NOS1AP: variants seen among roughly 807,000 people sequenced by gnomAD.
The protein encoded by NOS1AP is carboxyl-terminal PDZ ligand of neuronal nitric oxide synthase protein.
A neutral mutation model predicts 56.2 loss-of-function variants in NOS1AP; 21 were observed. The observed-to-expected ratio is 0.37, with a 90% CI of 0.26 to 0.54. The LOEUF is 0.54. Among genes scored for constraint, NOS1AP ranks in the 20% least tolerant of loss-of-function variants. The pLI, the probability that NOS1AP is intolerant of heterozygous loss-of-function variation, is 0.84. For missense variants in NOS1AP, 522 were observed against 657.8 expected, an observed-to-expected ratio of 0.79 and a Z score of 2.26; for synonymous variants, 270 against 274.6, an observed-to-expected ratio of 0.98 and a Z score of 0.17.
At chr1:162,175,508 T>C (rs922762756) in intron 2 of NOS1AP, among the ~76,000 whole-genome samples, 5 of 152,212 alleles carry the variant, frequency 3.3e-5, no homozygotes, top group African/African-American at 1.2e-4. Flanking sequence ...TTTCTGGCAC[T>C]ACACAGTACT....
At chr1:162,275,365 A>G (rs554872545) in intron 2 of NOS1AP, among the ~76,000 whole-genome samples, 132 of 152,216 alleles carry the variant, frequency 8.7e-4, no homozygotes, top group African/African-American at 3.1e-3. Context: ...TTTAATAGAG[A>G]TGGGGTTTCA....
intron 8 of NOS1AP, chr1:162,361,061 G>A (rs1043687521): frequency 1.4e-4 from 52 of 380,480 alleles, no homozygotes; most frequent in African/African-American, 1.1e-3. Context: ...TGAGGCCAGA[G>A]TGCAGAGCTG....
At chr1:162,098,733 A>G (rs576247412) in intron 1 of NOS1AP, among the ~76,000 whole-genome samples, 1 of 152,076 alleles carries the variant, frequency 6.6e-6, no homozygotes, top group African/African-American at 2.4e-5. Context: ...CTCATCTTTC[A>G]GCTCTCACTT....
chr1:162,155,288 A>ATATGTATATATATG (rs1557808084), intron 2 of NOS1AP, among the ~76,000 whole-genome samples: 1 of 141,866 alleles, frequency 7.0e-6, no homozygotes, highest in Non-Finnish European at 1.5e-5. Flanking sequence ...ACACATATAT[A>ATATGTATATATATG]CATATATATG....
chr1:162,365,351 T>C (rs1286343225), intron 8 of NOS1AP, 53 bp from the exon 9 acceptor site: 2 of 1,612,598 alleles, frequency 1.2e-6, no homozygotes, highest in Non-Finnish European at 8.5e-7. Context: ...TGTGCATTCA[T>C]GTCCCTCTCT....
intron 1 of NOS1AP, among the ~76,000 whole-genome samples, chr1:162,153,399 A>G (rs1649801616): frequency 1.3e-5 from 2 of 152,176 alleles, no homozygotes; most frequent in Non-Finnish European, 2.9e-5. Flanking sequence ...AAAGAACCAG[A>G]ATTACAGGCA....
At chr1:162,112,634 C>T (rs977406890) in intron 1 of NOS1AP, among the ~76,000 whole-genome samples, 1 of 152,212 alleles carries the variant, frequency 6.6e-6, no homozygotes, top group African/African-American at 2.4e-5. Context: ...CAGTCCAAGA[C>T]ATTCTGACAT....
In NOS1AP at chr1:162,217,184, A is replaced by T. The variant is rs574891746; in HGVS notation, c.177+62708A>T. On this transcript the variant is annotated intron_variant, in intron 2 of 9. Transcript: ENST00000361897. ...AGGGAAACAAGCCTATACGACTCAA[A>T]CTCTTTTGTCTGGGTCCAAATTGGT... is the stretch of plus-strand genomic sequence containing the variant. 4.7e-5 allele frequency among the ~76,000 whole-genome samples: 7 copies of T among 150,318 alleles called. No individual in the cohort carries two copies. In the South Asian group the frequency reaches 1.5e-3, roughly 32 times the overall value.
At chr1:162,219,275 C>T (rs1391412012) in intron 2 of NOS1AP, among the ~76,000 whole-genome samples, 1 of 152,160 alleles carries the variant, frequency 6.6e-6, no homozygotes, top group African/African-American at 2.4e-5. Flanking sequence ...AAGTGCTTAG[C>T]AATAGTAGCT....
intron 2 of NOS1AP, among the ~76,000 whole-genome samples, chr1:162,187,574 C>G (rs188940508): frequency 3.3e-5 from 5 of 152,302 alleles, no homozygotes. Context: ...CTTACATTGT[C>G]AAATTGACTC....
At chr1:162,261,500 G>GAGAAGAGA (rs1654217445) in intron 2 of NOS1AP, among the ~76,000 whole-genome samples, 1 of 2,214 alleles carries the variant, frequency 4.5e-4, no homozygotes, top group African/African-American at 2.2e-3. Flanking sequence ...GAGAGAGAGA[G>GAGAAGAGA]AGAGAGAGAG....
At chr1:162,276,870 A>G (rs1449915850) in intron 2 of NOS1AP, among the ~76,000 whole-genome samples, 1 of 152,176 alleles carries the variant, frequency 6.6e-6, no homozygotes, top group African/African-American at 2.4e-5. Context: ...TTCCTGAGAA[A>G]CACCTCATGT....
At chr1:162,340,979 G>T (rs1328487677) in intron 5 of NOS1AP, among the ~76,000 whole-genome samples, 1 of 152,050 alleles carries the variant, frequency 6.6e-6, no homozygotes, top group East Asian at 1.9e-4. Context: ...ATATTCTTAA[G>T]ATGCTCAGTT....
chr1:162,303,306 A>G (rs1655719753), intron 4 of NOS1AP, among the ~76,000 whole-genome samples: 1 of 152,258 alleles, frequency 6.6e-6, no homozygotes, highest in South Asian at 2.1e-4. Context: ...CCAGTGGTGT[A>G]CAAGAGTCCC....
chr1:162,331,997 C>T (rs909972412), intron 4 of NOS1AP, among the ~76,000 whole-genome samples: 5 of 152,208 alleles, frequency 3.3e-5, no homozygotes, highest in East Asian at 1.9e-4. Flanking sequence ...GCTTAAAAGC[C>T]GATGGCTTCT....
At chr1:162,176,949 A>C (rs924477689) in intron 2 of NOS1AP, among the ~76,000 whole-genome samples, 1 of 152,230 alleles carries the variant, frequency 6.6e-6, no homozygotes, top group African/African-American at 2.4e-5. Context: ...TGTGCACATA[A>C]GCTTTCAAAT....
Position 162,314,096 on chromosome 1 carries a change from A to T in NOS1AP, c.344+13390A>T, listed in dbSNP as rs143505483. Among the ~76,000 whole-genome samples the T allele has an allele frequency of 3.2e-3, 490 of 152,304 alleles. 3 individuals carry two copies. Among genetic ancestry groups the T allele is most frequent in the African/African-American group, 0.011 (450 of 41,560 alleles). The stretch of plus-strand genomic sequence containing the variant: ...TTTGCTGCACTAAAATATTCATCTC[A>T]AAAAGGCTACTAAGCTGATTTATCC... On this transcript the variant is annotated intron_variant, in intron 4 of 9. Coordinates refer to ENST00000361897, the MANE Select transcript of NOS1AP (RefSeq NM_014697.3).
intron 1 of NOS1AP, among the ~76,000 whole-genome samples, chr1:162,077,658 T>A (rs1691797875): frequency 6.6e-6 from 1 of 152,054 alleles, no homozygotes; most frequent in Admixed American, 6.5e-5. Flanking sequence ...GTCCTGTTAG[T>A]CTGCCCTTGT....
chr1:162,193,980 G>A (rs1328004844), intron 2 of NOS1AP, among the ~76,000 whole-genome samples: 2 of 152,172 alleles, frequency 1.3e-5, no homozygotes, highest in African/African-American at 4.8e-5. Context: ...GAGTGTGACA[G>A]CTGCTGAGGC....
Sources: allele counts gnomAD v4.1 joint callset (sites outside exome capture counted in the v4.1 genomes callset), GRCh38; gene constraint gnomAD v4.1.1; transcripts MANE v1.5; gene names NCBI Gene and HGNC (gene_info 2026-07-23, HGNC 2026-07-21).